CTNNA3: variants seen among roughly 807,000 people sequenced by gnomAD.
The protein encoded by CTNNA3 is catenin alpha-3.
In CTNNA3, 76 loss-of-function variants were observed where a neutral mutation model predicts 95.7. The observed-to-expected ratio is 0.79, with a 90% confidence interval of 0.66 to 0.96. CTNNA3 has a LOEUF of 0.96. Among genes scored for constraint, CTNNA3 ranks in the 40% least tolerant of loss-of-function variants. The probability of loss-of-function intolerance (pLI) is 0.00; values close to 1 mark genes in which losing one functional copy is unlikely to be tolerated. For synonymous variants in CTNNA3, 431 were observed against 374.4 expected (o/e 1.15, Z -1.74); for missense variants, 1,191 against 1,089.8 (o/e 1.09, Z -1.31).
At chr10:66,978,213 T>C (rs561051725) in intron 7 of CTNNA3, among the ~76,000 whole-genome samples, 2 of 152,058 alleles carry the variant, frequency 1.3e-5, no homozygotes, top group African/African-American at 4.8e-5. Flanking sequence ...CTGCACAACA[T>C]AGTGCCTAGA....
At chr10:65,974,429 T>C (rs1031360255) in intron 16 of CTNNA3, among the ~76,000 whole-genome samples, 4 of 152,204 alleles carry the variant, frequency 2.6e-5, no homozygotes, top group African/African-American at 9.6e-5. Flanking sequence ...AATGAAATTA[T>C]GTCTCTTGCA....
At chr10:67,562,048 T>C (rs1223840295) in intron 3 of CTNNA3, among the ~76,000 whole-genome samples, 1 of 152,186 alleles carries the variant, frequency 6.6e-6, no homozygotes, top group East Asian at 1.9e-4. Flanking sequence ...ACAGCCAAAT[T>C]CTACCAGAGG....
At chr10:66,949,257 A>T (rs993637364) in intron 7 of CTNNA3, among the ~76,000 whole-genome samples, 6 of 152,170 alleles carry the variant, frequency 3.9e-5, no homozygotes, top group Admixed American at 3.9e-4. Context: ...CATCCCCTTT[A>T]AAAATCACTA....
intron 11 of CTNNA3, among the ~76,000 whole-genome samples, chr10:66,429,880 A>G (rs988961272): frequency 5.3e-5 from 8 of 152,040 alleles, no homozygotes; most frequent in Middle Eastern, 3.4e-3. Flanking sequence ...CCTATTCAAC[A>G]TAGTGTTGGA....
rs553928338 is a variant in CTNNA3 at position 66,285,511 on chromosome 10, C to T, written c.1733-4890G>A. Among the ~76,000 whole-genome samples, 6 of 151,822 alleles carry T rather than the reference C, an allele frequency of 4.0e-5. No homozygotes were observed. The South Asian group carries it at 1.2e-3, about 32-fold the overall frequency. On this transcript the variant is annotated intron_variant, in intron 12 of 17. Transcript: ENST00000433211. ...TTTTTAATATGATGAAGATTAAGCT[C>T]TTTCATGCTTTTCCTCACATCATTT... is the stretch of plus-strand genomic sequence containing the variant.
At chr10:66,454,154 C>G (rs2093481361) in intron 11 of CTNNA3, among the ~76,000 whole-genome samples, 1 of 152,118 alleles carries the variant, frequency 6.6e-6, no homozygotes, top group Admixed American at 6.5e-5. Context: ...ATAGATTCCC[C>G]CCTGCAGTCT....
chr10:66,331,904 T>A (rs2092335216), intron 12 of CTNNA3, among the ~76,000 whole-genome samples: 1 of 152,046 alleles, frequency 6.6e-6, no homozygotes, highest in Non-Finnish European at 1.5e-5. Flanking sequence ...GCATGGCCAT[T>A]TTCACGATAT....
At chr10:66,633,252 T>C (rs574188093) in intron 9 of CTNNA3, among the ~76,000 whole-genome samples, 258 of 152,248 alleles carry the variant, frequency 1.7e-3, no homozygotes, top group African/African-American at 5.5e-3. Context: ...ATCTAAATAT[T>C]TAACAGTGGA....
chr10:67,429,845 A>G (rs1444487307), intron 5 of CTNNA3, among the ~76,000 whole-genome samples: 2 of 151,932 alleles, frequency 1.3e-5, no homozygotes, highest in Non-Finnish European at 2.9e-5. Flanking sequence ...AAGTAAGCAT[A>G]CCAATTTGGA....
At chr10:65,997,451 G>C (rs1285857208) in intron 15 of CTNNA3, among the ~76,000 whole-genome samples, 1 of 152,190 alleles carries the variant, frequency 6.6e-6, no homozygotes, top group Non-Finnish European at 1.5e-5. Flanking sequence ...TGGAGGTGGA[G>C]AGCGGTGGCC....
intron 11 of CTNNA3, among the ~76,000 whole-genome samples, chr10:66,411,934 TGTA>T (rs1442894215): frequency 2.7e-4 from 41 of 152,230 alleles, no homozygotes; most frequent in Admixed American, 2.5e-3. Flanking sequence ...CTCTGAAGCC[TGTA>T]AGGATTCTAC....
rs988194053 is a variant in CTNNA3, at chr10:66,873,377, T to C, written c.1048-97853A>G. Among the ~76,000 whole-genome samples, 4 of 109,620 alleles carry C rather than the reference T, an allele frequency of 3.6e-5. No individual in the cohort carries two copies. In the East Asian group the frequency reaches 8.0e-4, roughly 22 times the overall value. 71.9% of individuals were successfully genotyped at this position (109,620 alleles called of 152,430 possible). ...CTGGTTTTTTTGTTTGTTTGTTTTT[T>C]GTTTTTTTTTTACTTTTTAATAATA... On this transcript the variant is annotated intron_variant, in intron 7 of 17. Coordinates refer to ENST00000433211, the MANE Select transcript of CTNNA3 (RefSeq NM_013266.4).
At chr10:66,049,971 A>T (rs1453352901) in intron 15 of CTNNA3, among the ~76,000 whole-genome samples, 1 of 152,196 alleles carries the variant, frequency 6.6e-6, no homozygotes, top group East Asian at 1.9e-4. Context: ...AAAAAAGTGT[A>T]TAGGAACCAC....
rs371476237 is a variant in CTNNA3, at chr10:66,650,728, G to A, written c.1282-28944C>T. 4.6e-5 allele frequency among the ~76,000 whole-genome samples: 7 copies of A among 152,186 alleles called. No individual in the cohort carries two copies. The East Asian group carries it at 9.7e-4, about 21-fold the overall frequency. ...GGTGAGTGTCACAGCTCTTAAAGGCGGCGCATCTGGAGTTGTTCCTTCCTC... is the reference window on the plus strand; with the variant it reads ...GGTGAGTGTCACAGCTCTTAAAGGCAGCGCATCTGGAGTTGTTCCTTCCTC... On this transcript the variant is annotated intron_variant, in intron 9 of 17. Coordinates refer to ENST00000433211, the MANE Select transcript of CTNNA3 (RefSeq NM_013266.4).
chr10:66,530,792 A>G (rs921294770), intron 10 of CTNNA3, among the ~76,000 whole-genome samples: 3 of 152,130 alleles, frequency 2.0e-5, no homozygotes, highest in Non-Finnish European at 2.9e-5. Context: ...ACTTCTCACA[A>G]GACTCTCATT....
chr10:66,713,496 GA>G (rs1347081402), intron 9 of CTNNA3, among the ~76,000 whole-genome samples: 1 of 106,882 alleles, frequency 9.4e-6, no homozygotes, highest in Non-Finnish European at 1.9e-5. Flanking sequence ...AGAAATTAAT[GA>G]AAATGTCACC....
At chr10:66,059,002 G>T (rs1338553674) in intron 15 of CTNNA3, among the ~76,000 whole-genome samples, 2 of 152,244 alleles carry the variant, frequency 1.3e-5, no homozygotes, top group East Asian at 3.9e-4. Context: ...AGGGGCACCT[G>T]AATAACCTTG....
At chr10:67,038,485 A>G (rs1025252962) in intron 7 of CTNNA3, among the ~76,000 whole-genome samples, 1 of 152,106 alleles carries the variant, frequency 6.6e-6, no homozygotes, top group African/African-American at 2.4e-5. Flanking sequence ...GAGCTCAGGA[A>G]AAGGACAACT....
At chr10:67,018,893 G>T (rs1852819406) in intron 7 of CTNNA3, among the ~76,000 whole-genome samples, 1 of 152,164 alleles carries the variant, frequency 6.6e-6, no homozygotes, top group Non-Finnish European at 1.5e-5. Context: ...AGATGAAATG[G>T]AAAACACTAG....
Sources: gnomAD v4.1 joint callset for allele counts (sites outside exome capture counted in the v4.1 genomes callset) on GRCh38, gnomAD v4.1.1 for gene constraint, MANE v1.5 for transcripts, NCBI Gene and HGNC (gene_info 2026-07-23, HGNC 2026-07-21) for gene names.